The following ANOS1 variants were observed in gnomAD, a reference collection of about 807,000 sequenced individuals.
The protein encoded by ANOS1 is anosmin 1, also known as anosmin-1.
Under a neutral mutation model 59.0 loss-of-function variants are expected in ANOS1, and 6 were observed. That is an observed-to-expected ratio of 0.10 (90% CI 0.06 to 0.20). The LOEUF (loss-of-function observed/expected upper bound fraction) is 0.20. Ranked by LOEUF, ANOS1 falls within the 10% of genes least tolerant of loss-of-function variation. ANOS1 has a pLI of 1.00. For missense variants in ANOS1, 433 were observed against 542.3 expected, an observed-to-expected ratio of 0.80 and a Z score of 2.00; for synonymous variants, 217 against 223.4, an observed-to-expected ratio of 0.97 and a Z score of 0.25.
chrX:8,575,976 T>G (rs1430956258), intron 6 of ANOS1, among the ~76,000 whole-genome samples: 3 of 110,964 alleles, frequency 2.7e-5, no homozygotes, highest in Non-Finnish European at 5.7e-5. Flanking sequence ...GGGCATGGTG[T>G]TGTGTGCCTG....
In ANOS1 at chrX:8,535,788, C is replaced by A; in HGVS notation, c.1645G>T (p.Ala549Ser). Residue 549 changes from alanine (A) to serine (S), a missense_variant, in exon 12 of 14, where the codon GCT (alanine) becomes TCT (serine). Physicochemically the swap from Ala to Ser is moderately conservative, Grantham distance 99 (BLOSUM62 1). Transcript: ENST00000262648. ...EAGHVLSKVL[A>S]KPENLSASFI... ...GAAGCAGAAAGGTTCTCAGGCTTAG[C>A]TAGCACCTTAGAAAGAACATGACCT... 8.3e-7 allele frequency: 1 copy of A among 1,209,162 alleles called. No individual in the cohort carries two copies. The highest frequency in any genetic ancestry group is 1.1e-6 in the Non-Finnish European group (1 of 892,905).
chrX:8,698,706 A>T (rs1251572401), intron 2 of ANOS1, among the ~76,000 whole-genome samples: 1 of 111,613 alleles, frequency 9.0e-6, no homozygotes, highest in Non-Finnish European at 1.9e-5. Context: ...TCTTCATCAA[A>T]TTATTTAACA....
intron 2 of ANOS1, among the ~76,000 whole-genome samples, chrX:8,688,330 C>T (rs1212779774): frequency 8.9e-6 from 1 of 112,198 alleles, no homozygotes; most frequent in African/African-American, 3.2e-5. Context: ...TAAACCTCAA[C>T]ATCTTCAAAC....
intron 2 of ANOS1, among the ~76,000 whole-genome samples, chrX:8,682,817 C>T (rs143681914): frequency 0.011 from 1,171 of 110,396 alleles, 18 homozygotes; most frequent in African/African-American, 0.036. Context: ...TACACACACA[C>T]AAAAAAAAGC....
chrX:8,729,808 A>G (rs991331557), intron 1 of ANOS1, among the ~76,000 whole-genome samples: 5 of 108,798 alleles, frequency 4.6e-5, no homozygotes, highest in Non-Finnish European at 9.5e-5. Context: ...GGCTTTTCAG[A>G]TCTTAAAAAC....
intron 2 of ANOS1, among the ~76,000 whole-genome samples, chrX:8,672,662 G>T (rs764041473): frequency 1.8e-5 from 2 of 111,454 alleles, no homozygotes; most frequent in South Asian, 7.6e-4. Context: ...GACACCCTCC[G>T]CACTCTGCTC....
intron 3 of ANOS1, among the ~76,000 whole-genome samples, chrX:8,604,155 G>C (rs1006287403): frequency 2.0e-4 from 22 of 112,006 alleles, no homozygotes; most frequent in African/African-American, 7.1e-4. Context: ...GCAACGATGA[G>C]AGCTAGTGTT....
intron 3 of ANOS1, among the ~76,000 whole-genome samples, chrX:8,615,679 C>G (rs1489503092): frequency 9.0e-6 from 1 of 111,538 alleles, no homozygotes; most frequent in African/African-American, 3.3e-5. Context: ...GTAAAGCATT[C>G]AAAAGAGAAG....
intron 2 of ANOS1, among the ~76,000 whole-genome samples, chrX:8,676,923 G>C (rs1468703935): frequency 9.0e-6 from 1 of 111,671 alleles, no homozygotes; most frequent in African/African-American, 3.3e-5. Context: ...AGAATCTGTG[G>C]TGTCTCATTC....
intron 2 of ANOS1, among the ~76,000 whole-genome samples, chrX:8,657,571 C>T (rs750476189): frequency 2.8e-5 from 3 of 107,216 alleles, no homozygotes; most frequent in South Asian, 8.4e-4. Context: ...CGGGTTCAAG[C>T]GACTCTCCTG....
intron 2 of ANOS1, among the ~76,000 whole-genome samples, chrX:8,666,071 T>A (rs1313129830): frequency 9.1e-6 from 1 of 110,098 alleles, no homozygotes; most frequent in East Asian, 2.9e-4. Flanking sequence ...CTGGACATGG[T>A]GGTATGCACC....
At chrX:8,537,946 A>G (rs924442096) in intron 10 of ANOS1, among the ~76,000 whole-genome samples, 4 of 111,322 alleles carry the variant, frequency 3.6e-5, no homozygotes, top group Non-Finnish European at 5.7e-5. Context: ...TACTTAAGTG[A>G]GGAGTGGAAG....
intron 8 of ANOS1, among the ~76,000 whole-genome samples, chrX:8,565,135 T>C (rs1283221485): frequency 2.7e-5 from 3 of 112,035 alleles, no homozygotes; most frequent in Non-Finnish European, 5.6e-5. Context: ...GGACTTTTTT[T>C]CTCCTTGCTT....
intron 2 of ANOS1, among the ~76,000 whole-genome samples, chrX:8,627,293 G>A (rs957465887): frequency 2.7e-5 from 3 of 112,095 alleles, no homozygotes; most frequent in African/African-American, 9.7e-5. Context: ...TATAGATATC[G>A]GTGCACAAAA....
chrX:8,598,935 G>C (rs762557663), intron 3 of ANOS1, among the ~76,000 whole-genome samples: 65 of 111,755 alleles, frequency 5.8e-4, no homozygotes, highest in Non-Finnish European at 1.1e-3. Flanking sequence ...GTGGACCGAG[G>C]CTTGCAGATG....
chrX:8,568,094 A>T, intron 8 of ANOS1, 138 bp downstream of exon 8: 1 of 590,101 alleles, frequency 1.7e-6, no homozygotes, highest in Non-Finnish European at 2.8e-6. Flanking sequence ...TAAATACTTT[A>T]GTCACATGCA....
At chrX:8,683,256 CGATGAAGGAGGATTTTGAGTTTT>C (rs1271899766) in intron 2 of ANOS1, among the ~76,000 whole-genome samples, 1 of 110,779 alleles carries the variant, frequency 9.0e-6, no homozygotes, top group African/African-American at 3.3e-5. Context: ...GGACGAGGAG[CGATGAAGGAGGATTTTGAGTTTT>C]TTAGCTTGGG....
At chrX:8,638,240 C>T (rs990953914) in intron 2 of ANOS1, among the ~76,000 whole-genome samples, 1 of 112,167 alleles carries the variant, frequency 8.9e-6, no homozygotes, top group Non-Finnish European at 1.9e-5. Context: ...TAAGATGATA[C>T]ATGTGAACTG....
At chrX:8,705,246 G>A (rs1932774335) in intron 1 of ANOS1, among the ~76,000 whole-genome samples, 1 of 111,435 alleles carries the variant, frequency 9.0e-6, no homozygotes. Flanking sequence ...TTTGTCTATT[G>A]CAAAAATTCT....
Sources: gnomAD v4.1 joint callset for allele counts (sites outside exome capture counted in the v4.1 genomes callset) on GRCh38, gnomAD v4.1.1 for gene constraint, MANE v1.5 for transcripts, NCBI Gene and HGNC (gene_info 2026-07-23, HGNC 2026-07-21) for gene names.